Variants in STS observed in about 807,000 individuals in gnomAD.
STS encodes steroid sulfatase.
Under a neutral mutation model 26.8 loss-of-function variants are expected in STS, and 7 were observed. That is an observed-to-expected ratio of 0.26 (90% confidence interval 0.15 to 0.49). The LOEUF (loss-of-function observed/expected upper bound fraction) is 0.49, where lower values mean the gene tolerates loss of function less well. STS is among the 20% of genes least tolerant of loss of function. The probability of loss-of-function intolerance (pLI) is 0.98; values close to 1 mark genes in which losing one functional copy is unlikely to be tolerated. For synonymous variants in STS, 199 were observed against 189.4 expected (o/e 1.05, Z -0.42); for missense variants, 434 against 465.6 (o/e 0.93, Z 0.63).
At chrX:7,214,252 C>T (rs1018342547) in intron 2 of STS, among the ~76,000 whole-genome samples, 3 of 111,777 alleles carry the variant, frequency 2.7e-5, no homozygotes, top group Admixed American at 9.5e-5. Context: ...TGACTGATTG[C>T]GGAGGGGGGC....
chrX:7,151,040 A>G (rs1303101680), intron 1 of STS, among the ~76,000 whole-genome samples: 2 of 112,735 alleles, frequency 1.8e-5, no homozygotes, highest in Non-Finnish European at 3.7e-5. Flanking sequence ...CGATGGCATC[A>G]AAAGCACATT....
At chrX:7,205,763 C>G (rs1202401461) in intron 2 of STS, among the ~76,000 whole-genome samples, 1 of 107,849 alleles carries the variant, frequency 9.3e-6, no homozygotes, top group Non-Finnish European at 1.9e-5. Context: ...CTCTCACACA[C>G]CACCACCATA....
intron 9 of STS, among the ~76,000 whole-genome samples, chrX:7,326,435 C>T (rs1196331198): frequency 9.0e-6 from 1 of 111,429 alleles, no homozygotes; most frequent in South Asian, 3.8e-4. Flanking sequence ...GCAGCTTGGC[C>T]ACAACCTCTT....
intron 1 of STS, among the ~76,000 whole-genome samples, chrX:7,155,864 A>G (rs754844916): frequency 4.0e-4 from 45 of 112,248 alleles, no homozygotes; most frequent in African/African-American, 1.4e-3. Flanking sequence ...ATTTCCGAGA[A>G]TCAGCCAGGT....
At chrX:7,345,633 C>T (rs1321688711) in intron 10 of STS, among the ~76,000 whole-genome samples, 2 of 111,044 alleles carry the variant, frequency 1.8e-5, no homozygotes, top group East Asian at 5.7e-4. Context: ...CTTCAAGGCC[C>T]AGGAGAGGCC....
chrX:7,247,254 C>G (rs1436752197), intron 2 of STS, among the ~76,000 whole-genome samples: 9 of 112,045 alleles, frequency 8.0e-5, no homozygotes, highest in African/African-American at 2.9e-4. Context: ...TAGTCAATCA[C>G]TCAATCACTT....
At chrX:7,219,210 A>C (rs1294787234) in intron 2 of STS, among the ~76,000 whole-genome samples, 1 of 112,259 alleles carries the variant, frequency 8.9e-6, no homozygotes, top group Non-Finnish European at 1.9e-5. Context: ...TCAGTCTCTT[A>C]TCTGACCATC....
intron 2 of STS, among the ~76,000 whole-genome samples, chrX:7,249,993 T>C (rs780005010): frequency 9.0e-6 from 1 of 111,221 alleles, no homozygotes; most frequent in South Asian, 3.8e-4. Context: ...AGTGGCGCCA[T>C]CAGAGCTCAC....
intron 2 of STS, among the ~76,000 whole-genome samples, chrX:7,230,044 A>AATTTATTT (rs1307261935): frequency 1.8e-4 from 20 of 109,155 alleles, no homozygotes; most frequent in Non-Finnish European, 3.4e-4. Flanking sequence ...ATGCCTGGCT[A>AATTTATTT]ATTTATTTAT....
chrX:7,205,434 T>C (rs1934194106), intron 2 of STS, among the ~76,000 whole-genome samples: 1 of 111,611 alleles, frequency 9.0e-6, no homozygotes, highest in African/African-American at 3.3e-5. Context: ...CTCCCCATAC[T>C]GACTAGCAGC....
At chrX:7,200,857 C>T (rs1382529654) in intron 2 of STS, among the ~76,000 whole-genome samples, 1 of 111,999 alleles carries the variant, frequency 8.9e-6, no homozygotes, top group Non-Finnish European at 1.9e-5. Flanking sequence ...ACATGACCCT[C>T]AGCACATATG....
At chrX:7,223,524 G>A (rs1921666931) in intron 2 of STS, among the ~76,000 whole-genome samples, 1 of 111,632 alleles carries the variant, frequency 9.0e-6, no homozygotes, top group African/African-American at 3.3e-5. Context: ...GTTTTCATAT[G>A]TTTGTTGGGT....
At chrX:7,176,241 C>T (rs1026157553) in intron 1 of STS, among the ~76,000 whole-genome samples, 1 of 111,667 alleles carries the variant, frequency 9.0e-6, no homozygotes, top group African/African-American at 3.3e-5. Context: ...CACAGGATCA[C>T]GGGGGTAAAG....
chrX:7,315,449 G>A (rs1926670160), intron 8 of STS, among the ~76,000 whole-genome samples: 1 of 111,697 alleles, frequency 9.0e-6, no homozygotes, highest in Admixed American at 9.6e-5. Flanking sequence ...TTCTCTGGAG[G>A]AACAGGACTA....
intron 2 of STS, among the ~76,000 whole-genome samples, chrX:7,243,079 A>T (rs1334432177): frequency 8.9e-6 from 1 of 112,166 alleles, no homozygotes; most frequent in Admixed American, 9.4e-5. Context: ...TTGGGGTTGG[A>T]TAGGGCAGGG....
At chrX:7,195,597 A>G (rs1408062869) in intron 2 of STS, among the ~76,000 whole-genome samples, 1 of 112,650 alleles carries the variant, frequency 8.9e-6, no homozygotes, top group Non-Finnish European at 1.9e-5. Context: ...GACGTCTTAC[A>G]AACACTCCAG....
intron 8 of STS, among the ~76,000 whole-genome samples, chrX:7,317,991 C>G (rs745709028): frequency 8.9e-6 from 1 of 111,853 alleles, no homozygotes; most frequent in African/African-American, 3.2e-5. Flanking sequence ...TAGCATTTGG[C>G]AGGACAGGTT....
chrX:7,245,699 A>G (rs765365706), intron 2 of STS, among the ~76,000 whole-genome samples: 5 of 112,301 alleles, frequency 4.5e-5, no homozygotes, highest in Non-Finnish European at 5.6e-5. Flanking sequence ...CTCAAACTGC[A>G]CTTGCTTGTA....
chrX:7,305,331 G>A lies in STS; in HGVS notation c.1081+148G>A, dbSNP rs960462826. The stretch of plus-strand genomic sequence containing the variant: ...TCATGGAGACAGTCAGAAGGCCAAA[G>A]TGACCATTTCTGTTCTGGTTCCCAC... On this transcript the variant is annotated intron_variant, in intron 8 of 10. Transcript: ENST00000674429. The A allele has an allele frequency of 2.8e-4, 200 of 723,618 alleles. 1 individual carries two copies. Among genetic ancestry groups the A allele is most frequent in the Non-Finnish European group, 3.5e-4 (167 of 479,654 alleles). 59.6% of individuals were successfully genotyped at this position (723,618 alleles called of 1,213,427 possible).
Sources: allele counts gnomAD v4.1 joint callset (sites outside exome capture counted in the v4.1 genomes callset), GRCh38; gene constraint gnomAD v4.1.1; transcripts MANE v1.5; gene names NCBI Gene and HGNC (gene_info 2026-07-23, HGNC 2026-07-21).